The following POP1 variants were observed in gnomAD, a reference collection of about 807,000 sequenced individuals.
The protein encoded by POP1 is POP1 ribonuclease P/MRP subunit, also known as ribonucleases P/MRP protein subunit POP1.
A neutral mutation model predicts 102.2 loss-of-function variants in POP1; 75 were observed. The ratio of observed to expected loss-of-function variants is 0.73; its 90% CI spans 0.61 to 0.89. The LOEUF is 0.89. Among genes scored for constraint, POP1 ranks in the 40% least tolerant of loss-of-function variants. The probability of loss-of-function intolerance (pLI) is 0.00; values close to 1 mark genes in which losing one functional copy is unlikely to be tolerated. For missense variants in POP1, 1,116 were observed against 1,267.4 expected (o/e 0.88, Z 1.81); for synonymous variants, 436 against 464.1 (o/e 0.94, Z 0.78).
intron 4 of POP1, 141 bp from the exon 5 acceptor site, chr8:98,129,837 A>T (rs143661130): frequency 2.1e-6 from 2 of 970,542 alleles, no homozygotes; most frequent in Admixed American, 2.3e-5. Context: ...CATTGAAGAA[A>T]CTAAGTTAAC....
At chr8:98,155,909 T>TG (rs546303141) in intron 14 of POP1, 141 bp from the exon 15 acceptor site, 12 of 519,498 alleles carry the variant, frequency 2.3e-5, no homozygotes, top group Non-Finnish European at 3.1e-5. Context: ...TGGAAAGCTT[T>TG]TGTGTGTGTG....
At chr8:98,137,921 A>G (rs1816593597) in intron 9 of POP1, among the ~76,000 whole-genome samples, 1 of 152,206 alleles carries the variant, frequency 6.6e-6, no homozygotes, top group African/African-American at 2.4e-5. Flanking sequence ...TAACTTTTCA[A>G]TGCCTGTGCC....
At position 98,136,858 on chromosome 8, in the gene POP1, C is replaced by T. The variant is rs747236866; in HGVS notation, c.1269-3C>T. ...CCATTTTAAGATGTTCTTTCTTTTT[C>T]AGCGATTTGACGATGGAGATGAACA... is the stretch of plus-strand genomic sequence containing the variant. On this transcript the variant is annotated splice_polypyrimidine_tract_variant and splice_region_variant and intron_variant, in intron 8 of 15. Coordinates refer to ENST00000401707, the MANE Select transcript of POP1 (RefSeq NM_001145860.2). The T allele has an allele frequency of 1.2e-6, 2 of 1,613,398 alleles. No individual in the cohort carries two copies. Among genetic ancestry groups the T allele is most frequent in the East Asian group, 4.5e-5 (2 of 44,882 alleles).
At chr8:98,152,784 A>T (rs1563785074) in intron 14 of POP1, among the ~76,000 whole-genome samples, 1 of 152,054 alleles carries the variant, frequency 6.6e-6, no homozygotes, top group Non-Finnish European at 1.5e-5. Context: ...TTTTGAGGTT[A>T]TTTCTGACTT....
intron 2 of POP1, among the ~76,000 whole-genome samples, chr8:98,127,165 G>A (rs369630935): frequency 6.6e-6 from 1 of 152,032 alleles, no homozygotes; most frequent in Admixed American, 6.6e-5. Context: ...ATTCATGAAG[G>A]CTCTACCCTC....
intron 1 of POP1, among the ~76,000 whole-genome samples, chr8:98,118,233 C>T (rs530675426): frequency 7.2e-5 from 11 of 152,276 alleles, no homozygotes; most frequent in African/African-American, 2.6e-4. Context: ...CTCCCCTTGC[C>T]TATTCAAGTT....
In POP1 at chr8:98,146,518, T is replaced by C. The variant is rs748821769; in HGVS notation, c.1595-50T>C. The C allele has an allele frequency of 6.7e-6, 9 of 1,344,518 alleles. No individual in the cohort carries two copies. The African/African-American group carries it at 1.0e-4, about 15-fold the overall frequency. 83.3% of individuals were successfully genotyped at this position (1,344,518 alleles called of 1,614,324 possible). A position where few individuals can be genotyped will look rare whatever the true frequency, so the allele number is the denominator to read the frequency against. ...CTATTGCCAATGTTTGGAGTTTGAC[T>C]TCATTGATCTGAAGGATGTGGTTTG... On this transcript the variant is annotated intron_variant, in intron 11 of 15. Coordinates refer to ENST00000401707, the MANE Select transcript of POP1 (RefSeq NM_001145860.2).
intron 11 of POP1, among the ~76,000 whole-genome samples, chr8:98,144,438 G>T (rs973680184): frequency 3.3e-5 from 5 of 151,822 alleles, no homozygotes; most frequent in Non-Finnish European, 7.4e-5. Context: ...ACTATGCCTG[G>T]CTAATTTTTA....
chr8:98,158,193 A>G lies in POP1; in HGVS notation c.2997A>G (p.Ala999=). 1 of 1,611,892 alleles carries G rather than the reference A, an allele frequency of 6.2e-7. No individual in the cohort carries two copies. The highest frequency in any genetic ancestry group is 1.1e-5 in the South Asian group (1 of 90,966). Residue 999 remains alanine (A), a synonymous_variant, in exon 16 of 16, where the codon GCA becomes GCG. Coordinates refer to ENST00000401707, the MANE Select transcript of POP1 (RefSeq NM_001145860.2). ...GLLDMLSSQP[A]AQRGLVLLRP... is the part of the protein sequence containing the mutation. ...TGGATATGCTGTCCAGCCAGCCTGC[A>G]GCGCAGAGGGGCTTAGTGCTACTGA...
At chr8:98,146,788 CT>C (rs1816856462) in intron 12 of POP1, 105 bp downstream of exon 12, 4 of 889,964 alleles carry the variant, frequency 4.5e-6, no homozygotes, top group Non-Finnish European at 3.7e-6. Context: ...ATTCCATAGA[CT>C]TTCTTTTGTT....
At chr8:98,138,847 CTTT>C (rs369408285) in intron 9 of POP1, among the ~76,000 whole-genome samples, 2 of 130,838 alleles carry the variant, frequency 1.5e-5, no homozygotes, top group Admixed American at 7.8e-5. Context: ...GTTATGATTG[CTTT>C]TTTTTTTTTT....
Position 98,150,597 on chromosome 8 carries a change from T to C in POP1, c.2015T>C (p.Phe672Ser), listed in dbSNP as rs1489137447. The C allele has an allele frequency of 6.2e-7, 1 of 1,614,104 alleles. No individual in the cohort carries two copies. Among genetic ancestry groups the C allele is most frequent in the Non-Finnish European group, 8.5e-7 (1 of 1,180,044 alleles). The change falls in exon 14 of 16, where the codon TTT becomes TCT. Residue 672 changes from phenylalanine to serine, a missense_variant. Transcript: ENST00000401707. ...DFPDCPAGMLFAEEQAKNLLE... is the reference protein window; with the variant it reads ...DFPDCPAGMLSAEEQAKNLLE... ...CCAGACTGCCCTGCCGGGATGCTGTTTGCGGAAGAGCAAGCTAAGAATCTT... is the reference window on the plus strand; with the variant it reads ...CCAGACTGCCCTGCCGGGATGCTGTCTGCGGAAGAGCAAGCTAAGAATCTT...
intron 5 of POP1, among the ~76,000 whole-genome samples, chr8:98,132,306 A>G (rs768290955): frequency 2.0e-5 from 3 of 152,152 alleles, no homozygotes; most frequent in Admixed American, 6.5e-5. Flanking sequence ...TGTATGGCCA[A>G]TGAGTGTTGA....
chr8:98,143,007 C>T (rs1349629259), intron 11 of POP1, among the ~76,000 whole-genome samples: 1 of 152,122 alleles, frequency 6.6e-6, no homozygotes, highest in Non-Finnish European at 1.5e-5. Flanking sequence ...TACTGGTTAC[C>T]TTTGCTTCTC....
chr8:98,147,237 G>T (rs1486584586), intron 12 of POP1, among the ~76,000 whole-genome samples: 1 of 152,174 alleles, frequency 6.6e-6, no homozygotes, highest in Non-Finnish European at 1.5e-5. Flanking sequence ...GAAAAATGAG[G>T]CCAGCCTCCT....
At chr8:98,121,661 G>A (rs1314986230) in intron 1 of POP1, among the ~76,000 whole-genome samples, 2 of 151,158 alleles carry the variant, frequency 1.3e-5, no homozygotes, top group Non-Finnish European at 2.9e-5. Context: ...GGGACTACAG[G>A]TGCGCGCCAC....
In POP1 at chr8:98,146,485, C is replaced by T. The variant is rs1383891167; in HGVS notation, c.1595-83C>T. 4.2e-6 allele frequency: 4 copies of T among 943,686 alleles called. No individual in the cohort carries two copies. The African/African-American group carries it at 6.5e-5, about 15-fold the overall frequency. The allele number at this position is 943,686 out of a possible 1,614,324, so 58.5% of individuals were successfully genotyped here. A position where few individuals can be genotyped will look rare whatever the true frequency, so the allele number is the denominator to read the frequency against. The stretch of plus-strand genomic sequence containing the variant: ...ATGCCTATGAAATATTGTTTTGTAA[C>T]AAAAGGCCTATTGCCAATGTTTGGA... On this transcript the variant is annotated intron_variant, in intron 11 of 15. Coordinates refer to ENST00000401707, the MANE Select transcript of POP1 (RefSeq NM_001145860.2).
chr8:98,120,512 C>T (rs1815979466), intron 1 of POP1, among the ~76,000 whole-genome samples: 1 of 152,198 alleles, frequency 6.6e-6, no homozygotes, highest in African/African-American at 2.4e-5. Context: ...CACTCTATCG[C>T]CCAGGCTGGA....
intron 11 of POP1, among the ~76,000 whole-genome samples, chr8:98,142,403 T>G (rs538687733): frequency 6.6e-6 from 1 of 152,320 alleles, no homozygotes; most frequent in Admixed American, 6.5e-5. Context: ...GAAGTGATAA[T>G]GCATATTCTT....
Sources: gnomAD v4.1 joint callset for allele counts (sites outside exome capture counted in the v4.1 genomes callset) on GRCh38, gnomAD v4.1.1 for gene constraint, MANE v1.5 for transcripts, NCBI Gene and HGNC (gene_info 2026-07-23, HGNC 2026-07-21) for gene names.